Variants in DOCK7 observed in about 807,000 individuals in gnomAD.
DOCK7 encodes the protein dedicator of cytokinesis 7.
A neutral mutation model predicts 271.0 loss-of-function variants in DOCK7; 138 were observed. That is an observed-to-expected ratio of 0.51 (90% CI 0.44 to 0.59). The LOEUF (loss-of-function observed/expected upper bound fraction) is 0.59, where lower values mean the gene tolerates loss of function less well. Ranked by LOEUF, DOCK7 falls within the 20% of genes least tolerant of loss-of-function variation. DOCK7 has a pLI of 0.00. For missense variants in DOCK7, 2,066 were observed against 2,592.4 expected (o/e 0.80, Z 4.41); for synonymous variants, 823 against 876.1 (o/e 0.94, Z 1.07).
intron 48 of DOCK7, among the ~76,000 whole-genome samples, chr1:62,465,991 T>G (rs1645665917): frequency 1.3e-5 from 2 of 152,202 alleles, no homozygotes; most frequent in African/African-American, 4.8e-5. Context: ...GTAAAGGATC[T>G]AAAGCTGGAT....
At chr1:62,551,408 T>C (rs1444731351) in intron 22 of DOCK7, among the ~76,000 whole-genome samples, 1 of 151,696 alleles carries the variant, frequency 6.6e-6, no homozygotes, top group East Asian at 1.9e-4. Flanking sequence ...GTTTACAAAT[T>C]TGTGCTGAGC....
intron 29 of DOCK7, among the ~76,000 whole-genome samples, chr1:62,534,927 C>T (rs1645293304): frequency 6.6e-6 from 1 of 151,948 alleles, no homozygotes; most frequent in South Asian, 2.1e-4. Flanking sequence ...CCCATCTCTA[C>T]TACAAAAAGA....
intron 7 of DOCK7, chr1:62,641,533 G>C (rs917277060): frequency 2.2e-6 from 1 of 461,548 alleles, no homozygotes; most frequent in Non-Finnish European, 4.4e-6. Flanking sequence ...AGAAAGGATT[G>C]GTGTTCATCT....
At position 62,455,313 on chromosome 1, in the gene DOCK7, A is replaced by G. The variant is rs777107297; in HGVS notation, c.*101T>C. 33 of 1,281,206 alleles carry G rather than the reference A, an allele frequency of 2.6e-5. No homozygotes were observed. The South Asian group carries it at 3.3e-4, about 13-fold the overall frequency. The allele number at this position is 1,281,206 out of a possible 1,614,324, so 79.4% of individuals were successfully genotyped here. A position where few individuals can be genotyped will look rare whatever the true frequency, so the allele number is the denominator to read the frequency against. On this transcript the variant is annotated 3_prime_UTR_variant, in exon 50 of 50. Transcript: ENST00000635253. ...GCCACTGCATTCTTCAATGAATAAT[A>G]ATTTCCAGAATTCCATTCCATGTTG... is the stretch of plus-strand genomic sequence containing the variant.
intron 14 of DOCK7, among the ~76,000 whole-genome samples, chr1:62,599,321 G>A (rs1231965295): frequency 6.6e-6 from 1 of 151,868 alleles, no homozygotes; most frequent in Non-Finnish European, 1.5e-5. Flanking sequence ...CTTTGCCCTT[G>A]TTGTTTCCTC....
intron 39 of DOCK7, 125 bp from the exon 40 acceptor site, chr1:62,494,592 A>G (rs1278892775): frequency 2.9e-6 from 2 of 690,806 alleles, no homozygotes; most frequent in Admixed American, 7.1e-5. Flanking sequence ...TTAGTTTTAA[A>G]GTAGTATGAA....
chr1:62,651,670 T>C (rs1040738395), intron 4 of DOCK7, among the ~76,000 whole-genome samples: 2 of 152,142 alleles, frequency 1.3e-5, no homozygotes, highest in Admixed American at 6.5e-5. Flanking sequence ...TTGATTTTTA[T>C]ATGGTTAAAA....
intron 29 of DOCK7, among the ~76,000 whole-genome samples, chr1:62,530,403 T>TC (rs1486468018): frequency 6.6e-6 from 1 of 152,214 alleles, no homozygotes; most frequent in Non-Finnish European, 1.5e-5. Flanking sequence ...CTTCAATGTC[T>TC]CCCCTCATTA....
chr1:62,618,671 C>G (rs892820858), intron 14 of DOCK7, 35 bp downstream of exon 14: 6 of 1,542,084 alleles, frequency 3.9e-6, no homozygotes, highest in Admixed American at 1.7e-5. Flanking sequence ...TATACAGTAT[C>G]TTCTATCAGA....
At chr1:62,631,184 C>CT in intron 11 of DOCK7, 56 bp downstream of exon 11, 1 of 1,274,624 alleles carries the variant, frequency 7.8e-7, no homozygotes. Context: ...AACTCCATCT[C>CT]AAAAAAAAAA....
At chr1:62,595,912 G>C (rs1336407366) in intron 14 of DOCK7, among the ~76,000 whole-genome samples, 1 of 152,056 alleles carries the variant, frequency 6.6e-6, no homozygotes, top group Non-Finnish European at 1.5e-5. Context: ...CTGGACAACA[G>C]AGCAAGACCC....
intron 38 of DOCK7, chr1:62,495,986 A>G (rs1052627819): frequency 8.5e-6 from 3 of 352,350 alleles, no homozygotes; most frequent in Admixed American, 9.7e-5. Context: ...ATTCTCTCCT[A>G]TATTTCTGAT....
chr1:62,504,770 A>AG lies in DOCK7; in HGVS notation c.4623dup (p.Phe1543IlefsTer2). On this transcript the variant is annotated frameshift_variant, in exon 37 of 50. Transcript: ENST00000635253. LOFTEE classifies it high-confidence loss of function. ...CACTGCTCTGTCTCTTCTTCAAATA[A>AG]GAGTTCAGGAAACTGTAAAACAACA... The AG allele has an allele frequency of 6.2e-7, 1 of 1,611,406 alleles. No individual in the cohort carries two copies. Among genetic ancestry groups the AG allele is most frequent in the Non-Finnish European group, 8.5e-7 (1 of 1,179,398 alleles).
At chr1:62,604,169 G>A in intron 14 of DOCK7, 1 of 1,613,306 alleles carries the variant, frequency 6.2e-7, no homozygotes, top group East Asian at 2.2e-5. Flanking sequence ...GGAAAACAAA[G>A]ATTTGGTGTT....
intron 17 of DOCK7, 74 bp downstream of exon 17, chr1:62,578,754 G>GAAATATCAATTATATCTT: frequency 2.4e-6 from 2 of 817,518 alleles, no homozygotes; most frequent in Non-Finnish European, 3.5e-6. Flanking sequence ...CAAATGACCA[G>GAAATATCAATTATATCTT]AAATATCAAT....
At chr1:62,520,124 G>GT (rs1170952851) in intron 31 of DOCK7, among the ~76,000 whole-genome samples, 1 of 152,056 alleles carries the variant, frequency 6.6e-6, no homozygotes, top group African/African-American at 2.4e-5. Context: ...AGACTTAAAC[G>GT]TAAGACCTAA....
At chr1:62,654,512 G>A (rs992267089) in intron 2 of DOCK7, among the ~76,000 whole-genome samples, 2 of 151,626 alleles carry the variant, frequency 1.3e-5, no homozygotes, top group Admixed American at 1.3e-4. Context: ...AAAAAAAAAA[G>A]TAAGTTGCTA....
At chr1:62,496,016 T>C in intron 38 of DOCK7, 1 of 352,356 alleles carries the variant, frequency 2.8e-6, no homozygotes, top group Non-Finnish European at 5.0e-6. Flanking sequence ...AGGTAGTTTG[T>C]AGAAACTTTA....
At chr1:62,645,122 G>C (rs1390842844) in intron 7 of DOCK7, among the ~76,000 whole-genome samples, 4 of 152,148 alleles carry the variant, frequency 2.6e-5, no homozygotes, top group Non-Finnish European at 5.9e-5. Flanking sequence ...TGGTGCAGCT[G>C]CTTTGGAAAA....
Sources: allele counts gnomAD v4.1 joint callset (sites outside exome capture counted in the v4.1 genomes callset), GRCh38; gene constraint gnomAD v4.1.1; transcripts MANE v1.5; gene names NCBI Gene and HGNC (gene_info 2026-07-23, HGNC 2026-07-21).